Variants in ABI3BP observed in about 807,000 individuals in gnomAD.
ABI3BP encodes the protein ABI family member 3 binding protein, also known as target of Nesh-SH3.
In ABI3BP, 216 loss-of-function variants were observed where a neutral mutation model predicts 268.6. That is an observed-to-expected ratio of 0.80 (90% CI 0.72 to 0.90). ABI3BP has a LOEUF of 0.90. Among genes scored for constraint, ABI3BP ranks in the 40% least tolerant of loss-of-function variants. The pLI, the probability that ABI3BP is intolerant of heterozygous loss-of-function variation, is 0.00. For missense variants in ABI3BP, 2,090 were observed against 2,182.4 expected (o/e 0.96, Z 0.84); for synonymous variants, 730 against 730.0 (o/e 1.00, Z 0.00).
At chr3:100,832,836 C>T (rs1056574587) in intron 30 of ABI3BP, among the ~76,000 whole-genome samples, 12 of 152,074 alleles carry the variant, frequency 7.9e-5, no homozygotes, top group East Asian at 1.9e-4. Flanking sequence ...TTTGATACTA[C>T]GTTGGTGCTC....
intron 31 of ABI3BP, 104 bp downstream of exon 31, chr3:100,832,158 TAA>T (rs2098504789): frequency 9.2e-7 from 1 of 1,086,888 alleles, no homozygotes; most frequent in African/African-American, 1.6e-5. Flanking sequence ...CTTTTACTCT[TAA>T]GAGATATATA....
chr3:100,773,791 C>A (rs976162612), intron 61 of ABI3BP, among the ~76,000 whole-genome samples: 1 of 152,184 alleles, frequency 6.6e-6, no homozygotes, highest in African/African-American at 2.4e-5. Flanking sequence ...CATGCAGCAA[C>A]ATAGAGAAAT....
chr3:100,832,809 G>C (rs1317934280), intron 30 of ABI3BP, among the ~76,000 whole-genome samples: 1 of 152,058 alleles, frequency 6.6e-6, no homozygotes, highest in East Asian at 1.9e-4. Context: ...GGTGCATAAA[G>C]AAACTTCATG....
At chr3:100,911,481 GTTCA>G (rs1180561331) in intron 2 of ABI3BP, 9 of 410,478 alleles carry the variant, frequency 2.2e-5, no homozygotes, top group Admixed American at 1.2e-4. Context: ...TTTATTGCTT[GTTCA>G]TTGTTTTTCA....
At chr3:100,939,790 G>A (rs1000874200) in intron 1 of ABI3BP, among the ~76,000 whole-genome samples, 2 of 152,072 alleles carry the variant, frequency 1.3e-5, no homozygotes, top group South Asian at 2.1e-4. Context: ...TATTAGGTGC[G>A]AATTTCCTCT....
intron 1 of ABI3BP, among the ~76,000 whole-genome samples, chr3:100,955,688 G>C (rs2076581418): frequency 6.6e-6 from 1 of 152,066 alleles, no homozygotes; most frequent in African/African-American, 2.4e-5. Context: ...CTGCAAGGAA[G>C]GTTGGTATTT....
chr3:100,861,796 G>T, intron 14 of ABI3BP, among the ~76,000 whole-genome samples: 1 of 152,052 alleles, frequency 6.6e-6, no homozygotes, highest in East Asian at 1.9e-4. Context: ...GGAGAGCGAG[G>T]CCTGGAACCA....
At chr3:100,837,489 C>T (rs2098615037) in intron 26 of ABI3BP, among the ~76,000 whole-genome samples, 2 of 152,190 alleles carry the variant, frequency 1.3e-5, no homozygotes, top group South Asian at 4.1e-4. Context: ...CACGTTGGCT[C>T]ATGCCTATAA....
At chr3:100,831,870 G>A (rs1347182281) in intron 31 of ABI3BP, among the ~76,000 whole-genome samples, 1 of 152,110 alleles carries the variant, frequency 6.6e-6, no homozygotes, top group Non-Finnish European at 1.5e-5. Flanking sequence ...TGGTTATGCA[G>A]GAACAGCTTT....
At chr3:100,866,696 C>T (rs2099053730) in intron 10 of ABI3BP, among the ~76,000 whole-genome samples, 183 bp downstream of exon 10, 2 of 152,182 alleles carry the variant, frequency 1.3e-5, no homozygotes, top group South Asian at 4.2e-4. Context: ...TTATGTGATT[C>T]AATACTCCAT....
rs2041596193 is a variant in ABI3BP at position 100,885,564 on chromosome 3, T to A, written c.668A>T (p.Gln223Leu). Residue 223 changes from glutamine to leucine, a missense_variant, in exon 6 of 68, where the codon CAA (glutamine) becomes CTA (leucine). Transcript: ENST00000471714. The part of the protein sequence containing the change: ...VGSKKVNGKI[Q>L]STYDQDHTVP... ...TGTGTGGTCTTGGTCATAGGTACTT[T>A]GGATTTTCCCATTTACTTTTTTACC... 6.4e-7 allele frequency: 1 copy of A among 1,562,142 alleles called. No individual in the cohort carries two copies. The highest frequency in any genetic ancestry group is 1.4e-5 in the African/African-American group (1 of 73,874).
At chr3:100,760,121 G>C (rs1487614504) in intron 63 of ABI3BP, among the ~76,000 whole-genome samples, 3 of 152,180 alleles carry the variant, frequency 2.0e-5, no homozygotes, top group African/African-American at 7.2e-5. Flanking sequence ...ACTTTGGTAA[G>C]TTTCAGTCTT....
chr3:100,780,324 T>C (rs936197167), intron 57 of ABI3BP, 115 bp from the exon 58 acceptor site: 1 of 935,886 alleles, frequency 1.1e-6, no homozygotes, highest in Non-Finnish European at 1.6e-6. Context: ...ATTGGTGTTT[T>C]TATGCCAAGA....
chr3:100,928,555 A>G (rs1324041526), intron 1 of ABI3BP, among the ~76,000 whole-genome samples: 1 of 152,112 alleles, frequency 6.6e-6, no homozygotes, highest in Non-Finnish European at 1.5e-5. Context: ...AGCTAAGGCT[A>G]TAGTTTCCAT....
chr3:100,822,454 G>T (rs991700492), intron 38 of ABI3BP, 135 bp downstream of exon 38: 1 of 663,744 alleles, frequency 1.5e-6, no homozygotes, highest in Admixed American at 2.6e-5. Context: ...CTTCACAGTG[G>T]GATCTGCTGC....
intron 4 of ABI3BP, among the ~76,000 whole-genome samples, chr3:100,897,233 T>C (rs1260594297): frequency 1.3e-5 from 2 of 152,156 alleles, no homozygotes; most frequent in African/African-American, 4.8e-5. Flanking sequence ...ATCAGAGCTC[T>C]CCTACATTGC....
intron 24 of ABI3BP, 101 bp downstream of exon 24, chr3:100,839,468 T>C: frequency 2.4e-6 from 3 of 1,224,894 alleles, no homozygotes; most frequent in Non-Finnish European, 1.2e-6. Flanking sequence ...GGGATGAAAC[T>C]GTGATGAGGT....
chr3:100,808,946 T>C (rs2097780561), intron 49 of ABI3BP, among the ~76,000 whole-genome samples: 1 of 152,018 alleles, frequency 6.6e-6, no homozygotes, highest in Admixed American at 6.6e-5. Context: ...TAAAACGTGT[T>C]TGGGATAAAG....
chr3:100,829,499 G>A (rs2098447558), intron 33 of ABI3BP, 82 bp downstream of exon 33: 4 of 1,312,846 alleles, frequency 3.0e-6, no homozygotes, highest in Non-Finnish European at 4.2e-6. Flanking sequence ...ATCAGCTGCT[G>A]ACCATGCCCA....
Sources: gnomAD v4.1 joint callset for allele counts (sites outside exome capture counted in the v4.1 genomes callset) on GRCh38, gnomAD v4.1.1 for gene constraint, MANE v1.5 for transcripts, NCBI Gene and HGNC (gene_info 2026-07-23, HGNC 2026-07-21) for gene names.